Variants in RNF213 observed in about 807,000 individuals in gnomAD.
RNF213 encodes E3 ubiquitin-protein ligase RNF213.
RNF213 carries 341 observed loss-of-function variants against 514.4 expected under a neutral mutation model. That is an observed-to-expected ratio of 0.66 (90% CI 0.61 to 0.73). RNF213 has a LOEUF of 0.73. Among genes scored for constraint, RNF213 ranks in the 30% least tolerant of loss-of-function variants. RNF213 has a pLI of 0.00. For missense variants in RNF213, 5,767 were observed against 6,615.6 expected (o/e 0.87, Z 4.45); for synonymous variants, 2,655 against 2,658.2 (o/e 1.00, Z 0.04).
At chr17:80,293,113 A>C (rs2044796702) in intron 8 of RNF213, among the ~76,000 whole-genome samples, 1 of 152,084 alleles carries the variant, frequency 6.6e-6, no homozygotes. Context: ...GCTGGAGTGC[A>C]GTGGCACGAT....
In RNF213 at chr17:80,347,480, T is replaced by C; in HGVS notation, c.9145T>C (p.Tyr3049His). Residue 3049 changes from tyrosine to histidine, a missense_variant, in exon 29 of 68, where the codon TAC becomes CAC. Coordinates refer to ENST00000582970, the MANE Select transcript of RNF213 (RefSeq NM_001256071.3). This position sits in a 1 kb window ranked among gnomAD's most constrained non-coding sequence, Gnocchi z 7.2. Reference protein sequence around the residue: ...SRYLLVLTKNYVALQILQQTF... With the variant: ...SRYLLVLTKNHVALQILQQTF... ...CTACTTACTCGTGCTGACCAAAAAC[T>C]ACGTGGCACTGCAGATCCTGCAGCA... 1 of 1,614,052 alleles carries C rather than the reference T, an allele frequency of 6.2e-7. No homozygotes were observed. The highest frequency in any genetic ancestry group is 8.5e-7 in the Non-Finnish European group (1 of 1,180,030).
chr17:80,354,886 G>C (rs2078674735), intron 36 of RNF213: 2 of 416,362 alleles, frequency 4.8e-6, no homozygotes, highest in African/African-American at 2.0e-5. Context: ...ACCCTAGAAA[G>C]GGCTGCTGTT....
intron 31 of RNF213, 83 bp downstream of exon 31, chr17:80,350,479 G>A (rs1340785114): frequency 2.4e-6 from 2 of 816,560 alleles, no homozygotes; most frequent in African/African-American, 1.7e-5. Flanking sequence ...CTTGAAGACA[G>A]TATAGTATCA....
Position 80,288,579 on chromosome 17 carries a change from G to A in RNF213, c.811-54G>A, listed in dbSNP as rs748968862. 23 of 1,613,912 alleles carry A rather than the reference G, an allele frequency of 1.4e-5. No individual in the cohort carries two copies. Among genetic ancestry groups the A allele is most frequent in the East Asian group, 2.2e-5 (1 of 44,878 alleles). ...ATGCTGCCCCTTAAACCATTGAGTC[G>A]GAGTCACCCTGGCCCATTTTGTCAC... On this transcript the variant is annotated intron_variant, in intron 4 of 67. Transcript: ENST00000582970. This position sits in a 1 kb window ranked among gnomAD's most constrained non-coding sequence, Gnocchi z 4.9.
At chr17:80,361,321 C>A (rs2079047201) in intron 38 of RNF213, among the ~76,000 whole-genome samples, 1 of 152,176 alleles carries the variant, frequency 6.6e-6, no homozygotes, top group Non-Finnish European at 1.5e-5. Flanking sequence ...GAGTTCGAGA[C>A]CAGCCTGACC....
intron 56 of RNF213, 169 bp downstream of exon 56, chr17:80,381,156 T>C (rs560346987): frequency 1.3e-6 from 1 of 759,416 alleles, no homozygotes; most frequent in South Asian, 1.5e-5. Flanking sequence ...CTGTGGCGTA[T>C]GATGGTATGG....
intron 11 of RNF213, among the ~76,000 whole-genome samples, chr17:80,303,040 C>T (rs2045233411): frequency 6.6e-6 from 1 of 152,140 alleles, no homozygotes; most frequent in Non-Finnish European, 1.5e-5. Flanking sequence ...TTCATTCATT[C>T]ACTGGATGAA....
chr17:80,357,369 G>A (rs548089896), intron 36 of RNF213, among the ~76,000 whole-genome samples: 59 of 151,904 alleles, frequency 3.9e-4, no homozygotes, highest in South Asian at 2.1e-4. Flanking sequence ...CCATCCCTCC[G>A]CCTGCCTGTC....
chr17:80,335,401 G>A (rs1419887532), intron 22 of RNF213, among the ~76,000 whole-genome samples: 1 of 152,176 alleles, frequency 6.6e-6, no homozygotes, highest in South Asian at 2.1e-4. Flanking sequence ...ACCACCTGCT[G>A]GATCTCAGGC....
At chr17:80,275,647 T>G (rs1007116030) in intron 3 of RNF213, among the ~76,000 whole-genome samples, 1 of 151,924 alleles carries the variant, frequency 6.6e-6, no homozygotes, top group African/African-American at 2.4e-5. Context: ...TGAGAGAGTA[T>G]TATTTTTTCT....
chr17:80,378,898 G>A (rs1340425384), intron 54 of RNF213, among the ~76,000 whole-genome samples: 1 of 152,188 alleles, frequency 6.6e-6, no homozygotes, highest in Non-Finnish European at 1.5e-5. Context: ...TCCAAGCCAG[G>A]TGTGGTAGGT....
chr17:80,360,601 G>A (rs979252848), intron 38 of RNF213, among the ~76,000 whole-genome samples: 10 of 152,112 alleles, frequency 6.6e-5, no homozygotes, highest in South Asian at 2.1e-4. Context: ...CAGGAGAGGC[G>A]TTCTCAGAAG....
chr17:80,307,316 T>C, intron 13 of RNF213, 115 bp downstream of exon 13: 1 of 825,452 alleles, frequency 1.2e-6, no homozygotes, highest in South Asian at 1.4e-5. Context: ...GGTCATAAAT[T>C]AATATGTGGC....
chr17:80,385,392 C>A, intron 60 of RNF213, 146 bp from the exon 61 acceptor site: 1 of 885,436 alleles, frequency 1.1e-6, no homozygotes, highest in Non-Finnish European at 1.8e-6. Context: ...TCAAACTCGG[C>A]TCACTCCTTC....
At position 80,287,939 on chromosome 17, in the gene RNF213, A is replaced by G. The variant is rs867037075; in HGVS notation, c.386A>G (p.Gln129Arg). 2 of 1,569,782 alleles carry G rather than the reference A, an allele frequency of 1.3e-6. No individual in the cohort carries two copies. Among genetic ancestry groups the G allele is most frequent in the Non-Finnish European group, 1.7e-6 (2 of 1,157,436 alleles). The change falls in exon 4 of 68, where the codon CAG (glutamine) becomes CGG (arginine). Residue 129 changes from glutamine to arginine, a missense_variant. This residue lies in a region of RNF213 where 509 missense variants were observed against 496.7 expected (regional missense o/e 1.02). Coordinates refer to ENST00000582970, the MANE Select transcript of RNF213 (RefSeq NM_001256071.3). ...ACTTTGCTTTCAAACCCGTGGCCTCAGGACACAGCCCTGCCCCACAGCCAA... is the reference window on the plus strand; with the variant it reads ...ACTTTGCTTTCAAACCCGTGGCCTCGGGACACAGCCCTGCCCCACAGCCAA... ...HLTLLSNPWPQDTALPHSQAQ... is the reference protein window; with the variant it reads ...HLTLLSNPWPRDTALPHSQAQ...
In RNF213 at chr17:80,374,603, G is replaced by A. The variant is rs377477759; in HGVS notation, c.13074+14G>A. 58 of 1,613,746 alleles carry A rather than the reference G, an allele frequency of 3.6e-5. No individual in the cohort carries two copies. Among genetic ancestry groups the A allele is most frequent in the East Asian group, 4.5e-5 (2 of 44,892 alleles). On this transcript the variant is annotated intron_variant, in intron 50 of 67. Coordinates refer to ENST00000582970, the MANE Select transcript of RNF213 (RefSeq NM_001256071.3). ...ACTGCTCTGAAGGTAGGATGGGCCCGTGGCTTCTCTCTGATACCAGGTGGC... is the reference window on the plus strand; with the variant it reads ...ACTGCTCTGAAGGTAGGATGGGCCCATGGCTTCTCTCTGATACCAGGTGGC...
At position 80,288,461 on chromosome 17, in the gene RNF213, G is replaced by A; in HGVS notation, c.810+98G>A. 1 of 1,596,316 alleles carries A rather than the reference G, an allele frequency of 6.3e-7. No individual in the cohort carries two copies. The highest frequency in any genetic ancestry group is 1.3e-5 in the African/African-American group (1 of 74,750). On this transcript the variant is annotated intron_variant, in intron 4 of 67. Coordinates refer to ENST00000582970, the MANE Select transcript of RNF213 (RefSeq NM_001256071.3). The surrounding 1 kb of genome is among the most constrained non-coding windows in gnomAD (Gnocchi z 4.9). ...GGCGTTGCTTCCCTGCCGGGGGGAG[G>A]GGCGTCCTCTGGGCCCTGCTCCCTG...
chr17:80,315,222 G>A (rs867789967), intron 15 of RNF213, among the ~76,000 whole-genome samples: 3 of 8,860 alleles, frequency 3.4e-4, no homozygotes, highest in Non-Finnish European at 5.9e-4. Flanking sequence ...GGTGGTGGTG[G>A]TGGTGGAGGT....
At chr17:80,275,989 A>C (rs2044039348) in intron 3 of RNF213, among the ~76,000 whole-genome samples, 1 of 148,670 alleles carries the variant, frequency 6.7e-6, no homozygotes, top group African/African-American at 2.5e-5. Context: ...TTTCTTTTCC[A>C]TGTTTTGGCT....
Sources: gnomAD v4.1 joint callset for allele counts (sites outside exome capture counted in the v4.1 genomes callset) on GRCh38, gnomAD v4.1.1 for gene constraint, gnomAD v4.1.1 regional missense constraint, Gnocchi (gnomAD v3.1) non-coding constraint, MANE v1.5 for transcripts, NCBI Gene and HGNC (gene_info 2026-07-23, HGNC 2026-07-21) for gene names.